PDE10A: variants seen among roughly 807,000 people sequenced by gnomAD.
PDE10A encodes cAMP and cAMP-inhibited cGMP 3',5'-cyclic phosphodiesterase 10A.
PDE10A carries 39 observed loss-of-function variants against 97.7 expected under a neutral mutation model. That is an observed-to-expected ratio of 0.40 (90% CI 0.31 to 0.52). PDE10A has a LOEUF of 0.52. Ranked by LOEUF, PDE10A falls within the 20% of genes least tolerant of loss-of-function variation. PDE10A has a pLI of 0.56. For missense variants in PDE10A, 731 were observed against 1,047.8 expected (o/e 0.70, Z 4.17); for synonymous variants, 371 against 376.8 (o/e 0.98, Z 0.18).
intron 1 of PDE10A, among the ~76,000 whole-genome samples, chr6:165,772,946 G>C (rs73261212): frequency 0.054 from 8,178 of 152,242 alleles, 706 homozygotes; most frequent in African/African-American, 0.18. Flanking sequence ...AAAATATAAT[G>C]CATAGATAAT....
chr6:165,543,655 G>T, intron 1 of PDE10A, 87 bp from the exon 2 acceptor site: 1 of 1,028,898 alleles, frequency 9.7e-7, no homozygotes, highest in South Asian at 1.7e-5. Context: ...ATTATGCTAA[G>T]ACCCAGCAAC....
At chr6:165,781,946 T>G (rs1348575211) in intron 1 of PDE10A, 1 of 152,220 alleles carries the variant, frequency 6.6e-6, no homozygotes, top group Non-Finnish European at 1.5e-5. Context: ...GAATTTACAT[T>G]GTTTTAGGTT....
chr6:165,808,945 G>A (rs937308218), intron 1 of PDE10A, among the ~76,000 whole-genome samples: 25 of 152,354 alleles, frequency 1.6e-4, no homozygotes, highest in African/African-American at 5.3e-4. Flanking sequence ...AATGTGGACA[G>A]TAAATATAAT....
chr6:165,939,185 A>G lies in PDE10A; in HGVS notation c.-615+48344T>C, dbSNP rs575234917. Among the ~76,000 whole-genome samples the G allele has an allele frequency of 2.8e-4, 42 of 152,330 alleles. No individual in the cohort carries two copies. In the South Asian group the frequency reaches 4.6e-3, roughly 17 times the overall value. On this transcript the variant is annotated intron_variant, in intron 1 of 19. Transcript: ENST00000366882. ...TAAGACAAACCATAACCCAAAAGCTATGTACACATACAGGTTAACGAGTAT... is the reference window on the plus strand; with the variant it reads ...TAAGACAAACCATAACCCAAAAGCTGTGTACACATACAGGTTAACGAGTAT...
chr6:165,885,679 G>T (rs2128481214), intron 1 of PDE10A, among the ~76,000 whole-genome samples: 1 of 152,344 alleles, frequency 6.6e-6, no homozygotes, highest in African/African-American at 2.4e-5. Flanking sequence ...GGGAAGGCCT[G>T]GTTGTCTAAA....
chr6:165,559,808 C>G (rs1784436183), intron 1 of PDE10A, among the ~76,000 whole-genome samples: 1 of 152,166 alleles, frequency 6.6e-6, no homozygotes, highest in Admixed American at 6.5e-5. Context: ...GTGACTATGT[C>G]TTACAAGATG....
At chr6:165,793,930 AC>A (rs1283106925) in intron 1 of PDE10A, among the ~76,000 whole-genome samples, 1 of 152,138 alleles carries the variant, frequency 6.6e-6, no homozygotes, top group Non-Finnish European at 1.5e-5. Context: ...TTTAATCTTC[AC>A]AAAAATTCTG....
intron 2 of PDE10A, among the ~76,000 whole-genome samples, chr6:165,500,113 T>G (rs1432520679): frequency 6.6e-6 from 1 of 152,226 alleles, no homozygotes; most frequent in Non-Finnish European, 1.5e-5. Flanking sequence ...ATATTCAACA[T>G]TATTCAATAT....
chr6:165,924,742 C>T (rs1583291427), intron 1 of PDE10A, among the ~76,000 whole-genome samples: 2 of 152,332 alleles, frequency 1.3e-5, no homozygotes, highest in East Asian at 3.9e-4. Context: ...ACCAAATCCT[C>T]AGACCTTATA....
At chr6:165,527,416 T>C (rs1025550854) in intron 2 of PDE10A, among the ~76,000 whole-genome samples, 4 of 152,166 alleles carry the variant, frequency 2.6e-5, no homozygotes, top group Middle Eastern at 3.2e-3. Context: ...GTGTCAGTAG[T>C]AGACAGGGAT....
At chr6:165,593,883 T>C (rs1583608462) in intron 1 of PDE10A, among the ~76,000 whole-genome samples, 1 of 152,170 alleles carries the variant, frequency 6.6e-6, no homozygotes, top group South Asian at 2.1e-4. Context: ...ACAAGATAAA[T>C]TATTGTAAGT....
At chr6:165,839,797 T>A (rs1303399255) in intron 1 of PDE10A, among the ~76,000 whole-genome samples, 1 of 25,750 alleles carries the variant, frequency 3.9e-5, no homozygotes, top group Non-Finnish European at 8.3e-5. Flanking sequence ...TCCATCCCCA[T>A]CCCCTTCTCC....
intron 1 of PDE10A, among the ~76,000 whole-genome samples, chr6:165,731,212 ACATGATGGG>A (rs1172050397): frequency 6.6e-6 from 1 of 152,232 alleles, no homozygotes; most frequent in Admixed American, 6.5e-5. Flanking sequence ...TCGATAGAGA[ACATGATGGG>A]CAAAAATGAG....
rs551430924 is a variant in PDE10A, at chr6:165,910,394, G to A, written c.-615+77135C>T. On this transcript the variant is annotated intron_variant, in intron 1 of 19. Coordinates refer to the PDE10A transcript ENST00000366882. ...TGATGGCTCATCAGATAGTCAAACCGCATCTAAATAAATTGCTGACAAATC... is the reference window on the plus strand; with the variant it reads ...TGATGGCTCATCAGATAGTCAAACCACATCTAAATAAATTGCTGACAAATC... 2.6e-5 allele frequency among the ~76,000 whole-genome samples: 4 copies of A among 152,272 alleles called. No individual in the cohort carries two copies. The South Asian group carries it at 6.2e-4, about 24-fold the overall frequency.
intron 1 of PDE10A, among the ~76,000 whole-genome samples, chr6:165,573,319 T>C (rs1263887116): frequency 1.3e-5 from 2 of 151,548 alleles, no homozygotes; most frequent in African/African-American, 2.4e-5. Flanking sequence ...GTTTGGCCTA[T>C]GCATTAGTAG....
chr6:165,340,157 T>G (rs964020810), intron 19 of PDE10A, among the ~76,000 whole-genome samples: 1 of 152,368 alleles, frequency 6.6e-6, no homozygotes, highest in African/African-American at 2.4e-5. Context: ...TATGAAATAT[T>G]CTAGGATATG....
chr6:165,881,524 G>T (rs1387184989), intron 1 of PDE10A, among the ~76,000 whole-genome samples: 2 of 150,338 alleles, frequency 1.3e-5, no homozygotes, highest in African/African-American at 2.4e-5. Context: ...GCCTCCTGAG[G>T]ATTAGCTGGG....
chr6:165,385,820 A>G (rs563056255), intron 17 of PDE10A, among the ~76,000 whole-genome samples: 10 of 152,330 alleles, frequency 6.6e-5, no homozygotes, highest in Admixed American at 1.3e-4. Context: ...GCGTAGCTCA[A>G]ATTGAAGGGA....
intron 1 of PDE10A, among the ~76,000 whole-genome samples, chr6:165,746,893 A>G (rs1033591256): frequency 6.6e-6 from 1 of 152,218 alleles, no homozygotes; most frequent in Admixed American, 6.5e-5. Context: ...ACTCTTGGAA[A>G]ACCCACATGA....
Sources: allele counts gnomAD v4.1 joint callset (sites outside exome capture counted in the v4.1 genomes callset), GRCh38; gene constraint gnomAD v4.1.1; transcripts MANE v1.5; gene names NCBI Gene and HGNC (gene_info 2026-07-23, HGNC 2026-07-21).